FLACC1: variants seen among roughly 807,000 people sequenced by gnomAD.
FLACC1 encodes the protein flagellum associated containing coiled-coil domains 1, also known as flagellum-associated coiled-coil domain-containing protein 1.
FLACC1 carries 66 observed loss-of-function variants against 62.8 expected under a neutral mutation model. The ratio of observed to expected loss-of-function variants is 1.05; its 90% confidence interval spans 0.86 to 1.29. The LOEUF (loss-of-function observed/expected upper bound fraction) is 1.29. Among genes scored for constraint, FLACC1 ranks in the 50% most tolerant of loss-of-function variants. The pLI is 0.00. For synonymous variants in FLACC1, 156 were observed against 161.0 expected (o/e 0.97, Z 0.24); for missense variants, 452 against 489.1 (o/e 0.92, Z 0.71).
chr2:201,320,791 T>C (rs931856901), intron 9 of FLACC1, among the ~76,000 whole-genome samples: 3 of 152,200 alleles, frequency 2.0e-5, no homozygotes, highest in Admixed American at 6.5e-5. Context: ...TCTTGGGGGC[T>C]ATATAGCCCC....
At position 201,346,248 on chromosome 2, in the gene FLACC1, TTCTA is replaced by T. The variant is rs1322726682; in HGVS notation, c.368+290_368+293del. ...TCAAATTCAGACTAATTTATGGCTA[TTCTA>T]TCTATTCCTCACCCCACGAACAATT... On this transcript the variant is annotated intron_variant, in intron 5 of 14. Transcript: ENST00000392257. The surrounding 1 kb of genome is among the most constrained non-coding windows in gnomAD (Gnocchi z 4.0). Among the ~76,000 whole-genome samples, 1 of 152,184 alleles carries T rather than the reference TTCTA, an allele frequency of 6.6e-6. No homozygotes were observed. Among genetic ancestry groups the T allele is most frequent in the Non-Finnish European group, 1.5e-5 (1 of 68,030 alleles).
chr2:201,324,702 G>C lies in FLACC1; in HGVS notation c.675+5768C>G, dbSNP rs13403153. Reference sequence around the variant, plus strand: ...ATAAAACTAAAAATCAATTTCAAAGGGAATCCTCAAAACTATACAGATACA... The same window carrying C: ...ATAAAACTAAAAATCAATTTCAAAGCGAATCCTCAAAACTATACAGATACA... On this transcript the variant is annotated intron_variant, in intron 9 of 14. Transcript: ENST00000392257. 6.3e-3 allele frequency among the ~76,000 whole-genome samples: 961 copies of C among 152,080 alleles called. 14 individuals are homozygous for C. The highest frequency in any genetic ancestry group is 0.022 in the African/African-American group (917 of 41,482).
At chr2:201,330,865 T>C (rs1310537084) in intron 7 of FLACC1, 32 bp from the exon 8 acceptor site, 1 of 1,586,890 alleles carries the variant, frequency 6.3e-7, no homozygotes. Flanking sequence ...CCACAATCAT[T>C]AGTAAAAAGA....
intron 1 of FLACC1, among the ~76,000 whole-genome samples, chr2:201,356,078 T>C (rs1951112248): frequency 6.6e-6 from 1 of 151,490 alleles, no homozygotes; most frequent in Non-Finnish European, 1.5e-5. Flanking sequence ...AGGGGAGGAG[T>C]TGGGACAACC....
chr2:201,290,098 A>T (rs995688495), intron 12 of FLACC1, among the ~76,000 whole-genome samples: 1 of 152,214 alleles, frequency 6.6e-6, no homozygotes, highest in South Asian at 2.1e-4. Flanking sequence ...TAGAGAGAGA[A>T]AAAAGATTAG....
Position 201,346,497 on chromosome 2 carries a change from G to A in FLACC1, c.368+45C>T, listed in dbSNP as rs753419136. 2 of 1,607,232 alleles carry A rather than the reference G, an allele frequency of 1.2e-6. No homozygotes were observed. Among genetic ancestry groups the A allele is most frequent in the Non-Finnish European group, 1.7e-6 (2 of 1,179,002 alleles). On this transcript the variant is annotated intron_variant, in intron 5 of 14. Transcript: ENST00000392257. This position sits in a 1 kb window ranked among gnomAD's most constrained non-coding sequence, Gnocchi z 4.0. Reference sequence around the variant, plus strand: ...TGTCCCTGAGGCCGGGCTGAGCTGGGTGGGAGTAGCCCCAAGCAGCTGCAT... The same window carrying A: ...TGTCCCTGAGGCCGGGCTGAGCTGGATGGGAGTAGCCCCAAGCAGCTGCAT...
intron 1 of FLACC1, among the ~76,000 whole-genome samples, chr2:201,355,711 A>G (rs1226175459): frequency 1.3e-5 from 2 of 151,966 alleles, no homozygotes; most frequent in African/African-American, 4.8e-5. Flanking sequence ...AATTTTAAAA[A>G]TAGCCTAGTA....
intron 11 of FLACC1, among the ~76,000 whole-genome samples, chr2:201,303,510 A>C (rs927498177): frequency 6.6e-6 from 1 of 152,182 alleles, no homozygotes. Flanking sequence ...TACAAGGAGG[A>C]GCTGGTACCA....
At chr2:201,339,919 G>T (rs1461672992) in intron 7 of FLACC1, among the ~76,000 whole-genome samples, 1 of 152,126 alleles carries the variant, frequency 6.6e-6, no homozygotes, top group African/African-American at 2.4e-5. Flanking sequence ...TTGGCAGTGG[G>T]TGTGTTGTGG....
rs764506462 is a variant in FLACC1, at chr2:201,309,925, A to AAAAAAAAAAAAAAG, written c.676-676_676-675insCTTTTTTTTTTTTT. On this transcript the variant is annotated intron_variant, in intron 9 of 14. Transcript: ENST00000392257. ...TGTCTCAAAAAAAAAAAAAAAAAAAAAAGAAGAAGAAAGGAAATACCTAGT... is the reference window on the plus strand; with the variant it reads ...TGTCTCAAAAAAAAAAAAAAAAAAAAAAAAAAAAAAAAAGAAGAAGAAGAAAGGAAATACCTAGT... Among the ~76,000 whole-genome samples the AAAAAAAAAAAAAAG allele has an allele frequency of 1.4e-4, 14 of 99,396 alleles. 1 individual carries two copies. The highest frequency in any genetic ancestry group is 2.0e-4 in the Non-Finnish European group (9 of 44,138). The allele number at this position is 99,396 out of a possible 152,430, so 65.2% of individuals were successfully genotyped here.
chr2:201,304,086 G>C (rs1024835860), intron 11 of FLACC1, among the ~76,000 whole-genome samples: 36 of 152,096 alleles, frequency 2.4e-4, no homozygotes, highest in Non-Finnish European at 4.9e-4. Context: ...CCAGGGCAAT[G>C]AGGCAGGAGA....
intron 11 of FLACC1, among the ~76,000 whole-genome samples, chr2:201,302,327 A>C (rs1172869069): frequency 1.3e-5 from 2 of 152,230 alleles, no homozygotes; most frequent in Non-Finnish European, 2.9e-5. Context: ...ATCAAAAGAG[A>C]CAAAGAAGGC....
At chr2:201,362,353 T>C (rs930188093), upstream of FLACC1, among the ~76,000 whole-genome samples, 2 of 152,082 alleles carry the variant, frequency 1.3e-5, no homozygotes, top group Non-Finnish European at 2.9e-5. Context: ...TTTTCCAAGA[T>C]GGCAGATTAG....
rs1195877741 is a variant in FLACC1, at chr2:201,326,266, G to A, written c.675+4204C>T. ...TTGAGAACCGGAACAAGACAAGATG[G>A]CCACCTTCACTTTCACCACTCTCAT... is the stretch of plus-strand genomic sequence containing the variant. On this transcript the variant is annotated intron_variant, in intron 9 of 14. Transcript: ENST00000392257. This position sits in a 1 kb window ranked among gnomAD's most constrained non-coding sequence, Gnocchi z 4.1. Among the ~76,000 whole-genome samples, 5 of 152,276 alleles carry A rather than the reference G, an allele frequency of 3.3e-5. No individual in the cohort carries two copies. The East Asian group carries it at 7.7e-4, about 23-fold the overall frequency.
Position 201,309,262 on chromosome 2 carries a change from CA to C in FLACC1, c.676-13del. The stretch of plus-strand genomic sequence containing the variant: ...TCATAAATACTGTCCTGGGGAGGTA[CA>C]AAGGCACCATGAAGAAAAGAGTCCT... On this transcript the variant is annotated splice_polypyrimidine_tract_variant and intron_variant, in intron 9 of 14. Coordinates refer to ENST00000392257, the MANE Select transcript of FLACC1 (RefSeq NM_001127391.3). 6.3e-7 allele frequency: 1 copy of C among 1,594,262 alleles called. No individual in the cohort carries two copies. The highest frequency in any genetic ancestry group is 8.6e-7 in the Non-Finnish European group (1 of 1,162,570).
chr2:201,335,195 T>G (rs911524948), intron 7 of FLACC1, among the ~76,000 whole-genome samples: 1 of 152,178 alleles, frequency 6.6e-6, no homozygotes, highest in Non-Finnish European at 1.5e-5. Flanking sequence ...TTAGTTTAGC[T>G]AAAGGTTTGT....
intron 13 of FLACC1, 31 bp downstream of exon 13, chr2:201,289,647 GACCTGGGTTCTTCCCCCA>G: frequency 6.2e-7 from 1 of 1,611,322 alleles, no homozygotes; most frequent in Admixed American, 1.7e-5. Flanking sequence ...GCTGGATGGA[GACCTGGGTTCTTCCCCCA>G]ACCCCCATCC....
At chr2:201,300,285 A>G (rs1949951140) in intron 11 of FLACC1, among the ~76,000 whole-genome samples, 1 of 152,198 alleles carries the variant, frequency 6.6e-6, no homozygotes. Context: ...TATCCCATGC[A>G]TGGCTGGGAG....
At chr2:201,347,275 A>C (rs1950934896) in intron 4 of FLACC1, among the ~76,000 whole-genome samples, 1 of 152,222 alleles carries the variant, frequency 6.6e-6, no homozygotes, top group Admixed American at 6.5e-5. Context: ...AGAGCTGCGC[A>C]GCACATGCTG....
Sources: gnomAD v4.1 joint callset for allele counts (sites outside exome capture counted in the v4.1 genomes callset) on GRCh38, gnomAD v4.1.1 for gene constraint, Gnocchi (gnomAD v3.1) non-coding constraint, MANE v1.5 for transcripts, NCBI Gene and HGNC (gene_info 2026-07-23, HGNC 2026-07-21) for gene names.